The following ANAPC10 variants were observed in gnomAD, a reference collection of about 807,000 sequenced individuals.
ANAPC10 encodes anaphase promoting complex subunit 10, also known as anaphase-promoting complex subunit 10.
In ANAPC10, 12 loss-of-function variants were observed where a neutral mutation model predicts 22.0. The ratio of observed to expected loss-of-function variants is 0.55; its 90% CI spans 0.35 to 0.88. The LOEUF (loss-of-function observed/expected upper bound fraction) is 0.88. Ranked by LOEUF, ANAPC10 falls within the 40% of genes least tolerant of loss-of-function variation. The pLI is 0.01. For missense variants in ANAPC10, 188 were observed against 220.9 expected (o/e 0.85, Z 0.94); for synonymous variants, 65 against 69.5 (o/e 0.94, Z 0.32).
chr4:145,093,366 GA>G (rs972233585), intron 2 of ANAPC10, among the ~76,000 whole-genome samples: 1 of 151,202 alleles, frequency 6.6e-6, no homozygotes, highest in African/African-American at 2.4e-5. Flanking sequence ...ACAAATGATA[GA>G]AAAAAGGCAC....
At chr4:145,076,076 C>T (rs1579119271) in intron 3 of ANAPC10, among the ~76,000 whole-genome samples, 1 of 152,180 alleles carries the variant, frequency 6.6e-6, no homozygotes, top group African/African-American at 2.4e-5. Flanking sequence ...GCAGCCACTG[C>T]CATAGCTTTT....
chr4:145,008,689 C>A (rs1448305664), intron 4 of ANAPC10, among the ~76,000 whole-genome samples: 2 of 152,140 alleles, frequency 1.3e-5, no homozygotes, highest in Non-Finnish European at 2.9e-5. Context: ...GGACGTATCT[C>A]AAAATAATAA....
intron 4 of ANAPC10, among the ~76,000 whole-genome samples, chr4:145,031,914 A>T (rs562909365): frequency 6.6e-6 from 1 of 152,276 alleles, no homozygotes; most frequent in East Asian, 1.9e-4. Context: ...GCGCTTTCTG[A>T]CCCATCTAAC....
At chr4:145,056,332 C>T (rs986048657) in intron 4 of ANAPC10, among the ~76,000 whole-genome samples, 16 of 152,264 alleles carry the variant, frequency 1.1e-4, no homozygotes, top group African/African-American at 3.9e-4. Context: ...ATGGCAAAGT[C>T]AGGAAGTTAC....
At chr4:145,020,548 C>T (rs1335455454) in intron 4 of ANAPC10, among the ~76,000 whole-genome samples, 6 of 152,062 alleles carry the variant, frequency 3.9e-5, no homozygotes, top group East Asian at 3.9e-4. Context: ...TCTCACCACT[C>T]GTCTTCAACA....
intron 4 of ANAPC10, among the ~76,000 whole-genome samples, chr4:145,003,100 G>C (rs1448550325): frequency 9.2e-5 from 14 of 152,058 alleles, no homozygotes; most frequent in Non-Finnish European, 2.1e-4. Flanking sequence ...CCACTTAAAA[G>C]TGAGATCATG....
At chr4:145,030,197 C>G (rs1215988663) in intron 4 of ANAPC10, among the ~76,000 whole-genome samples, 1 of 152,144 alleles carries the variant, frequency 6.6e-6, no homozygotes, top group Non-Finnish European at 1.5e-5. Context: ...AAACAGAAAA[C>G]TTCTAGGTCG....
In ANAPC10 at chr4:145,064,684, G is replaced by T; in HGVS notation, c.215C>A (p.Thr72Lys). The part of the protein sequence containing the change: ...HLVNIQFRRK[T>K]TVKTLCIYAD... The stretch of plus-strand genomic sequence containing the variant: ...ATAAATACATAATGTCTTCACTGTT[G>T]TTTTTCTTCTAAAAGCAATAAAGTA... The change falls in exon 4 of 5, where the codon ACA (threonine) becomes AAA (lysine). Residue 72 changes from threonine to lysine, a missense_variant. Thr to Lys is a moderately conservative substitution (Grantham distance 78). Transcript: ENST00000507656. 6.6e-7 allele frequency: 1 copy of T among 1,518,088 alleles called. No individual in the cohort carries two copies. 94.0% of individuals were successfully genotyped at this position (1,518,088 alleles called of 1,614,324 possible).
intron 4 of ANAPC10, among the ~76,000 whole-genome samples, chr4:145,012,020 C>T (rs1454724070): frequency 1.3e-5 from 2 of 152,040 alleles, no homozygotes; most frequent in Non-Finnish European, 2.9e-5. Context: ...AAAGCAGCTT[C>T]CACTCAGGGA....
rs1456500540 is a variant in ANAPC10 at position 145,096,103 on chromosome 4, T to A, written c.-4A>T. On this transcript the variant is annotated 5_prime_UTR_variant, in exon 2 of 5. Transcript: ENST00000507656. The stretch of plus-strand genomic sequence containing the variant: ...GTGTCTTGTTTGGTGTAGTCATTTT[T>A]AAAATATTCTATGTAGAAAACAAGA... 2.5e-6 allele frequency: 4 copies of A among 1,613,480 alleles called. No homozygotes were observed. In the East Asian group the frequency reaches 8.9e-5, roughly 36 times the overall value.
intron 4 of ANAPC10, among the ~76,000 whole-genome samples, chr4:145,014,992 C>T (rs963844495): frequency 1.3e-5 from 2 of 152,134 alleles, no homozygotes; most frequent in Admixed American, 1.3e-4. Context: ...GAGAAAGAAC[C>T]AGAAAACCAA....
At chr4:145,044,961 A>G (rs559623212) in intron 4 of ANAPC10, among the ~76,000 whole-genome samples, 2 of 152,154 alleles carry the variant, frequency 1.3e-5, no homozygotes, top group South Asian at 2.1e-4. Flanking sequence ...GAAGTTCACT[A>G]TAAACATTCG....
intron 4 of ANAPC10, among the ~76,000 whole-genome samples, chr4:145,008,536 G>A (rs569279174): frequency 6.6e-6 from 1 of 152,242 alleles, no homozygotes; most frequent in South Asian, 2.1e-4. Flanking sequence ...TTCAACATAT[G>A]CAAATCAATA....
At chr4:145,009,196 T>C (rs553383415) in intron 4 of ANAPC10, among the ~76,000 whole-genome samples, 1 of 152,132 alleles carries the variant, frequency 6.6e-6, no homozygotes, top group East Asian at 1.9e-4. Flanking sequence ...CACAAACAAA[T>C]GGAAGAACAT....
chr4:145,024,774 T>C (rs958071703), intron 4 of ANAPC10, among the ~76,000 whole-genome samples: 1 of 152,160 alleles, frequency 6.6e-6, no homozygotes, highest in Non-Finnish European at 1.5e-5. Context: ...CAACTTAAAG[T>C]CACCAGCTGC....
chr4:144,995,790 T>C (rs1320167452), intron 4 of ANAPC10, among the ~76,000 whole-genome samples, 187 bp from the exon 5 acceptor site: 2 of 152,264 alleles, frequency 1.3e-5, no homozygotes, highest in African/African-American at 2.4e-5. Context: ...CTAAGCACTT[T>C]AGATGTACCA....
chr4:145,044,377 T>A (rs1021425029), intron 4 of ANAPC10, among the ~76,000 whole-genome samples: 15 of 152,174 alleles, frequency 9.9e-5, no homozygotes, highest in African/African-American at 3.4e-4. Flanking sequence ...TTCAAGAAGG[T>A]TAAAATCATT....
intron 4 of ANAPC10, among the ~76,000 whole-genome samples, chr4:145,005,489 T>G (rs1733204254): frequency 6.6e-6 from 1 of 152,182 alleles, no homozygotes; most frequent in Non-Finnish European, 1.5e-5. Flanking sequence ...GGTTACTTCT[T>G]GTATTCTGCT....
At chr4:145,001,125 T>A in intron 4 of ANAPC10, among the ~76,000 whole-genome samples, 1 of 151,282 alleles carries the variant, frequency 6.6e-6, no homozygotes, top group East Asian at 1.9e-4. Context: ...ATGGTACATG[T>A]ATACCTATGT....
Sources: gnomAD v4.1 joint callset for allele counts (sites outside exome capture counted in the v4.1 genomes callset) on GRCh38, gnomAD v4.1.1 for gene constraint, MANE v1.5 for transcripts, NCBI Gene and HGNC (gene_info 2026-07-23, HGNC 2026-07-21) for gene names.